Variants in AHCYL2 observed in about 807,000 individuals in gnomAD.
The protein encoded by AHCYL2 is adenosylhomocysteinase like 2, also known as S-adenosylhomocysteine hydrolase-like protein 2.
Under a neutral mutation model 81.4 loss-of-function variants are expected in AHCYL2, and 28 were observed. That is an observed-to-expected ratio of 0.34 (90% CI 0.25 to 0.47). AHCYL2 has a LOEUF of 0.47. Among genes scored for constraint, AHCYL2 ranks in the 20% least tolerant of loss-of-function variants. The pLI, the probability that AHCYL2 is intolerant of heterozygous loss-of-function variation, is 1.00. For missense variants in AHCYL2, 551 were observed against 785.1 expected (o/e 0.70, Z 3.56); for synonymous variants, 272 against 290.2 (o/e 0.94, Z 0.64).
At position 129,428,503 on chromosome 7, in the gene AHCYL2, T is replaced by C. The variant is rs1478082448; in HGVS notation, c.*1458T>C. The C allele has an allele frequency of 1.3e-5, 2 of 152,220 alleles. No individual in the cohort carries two copies. Among genetic ancestry groups the C allele is most frequent in the African/African-American group, 4.8e-5 (2 of 41,444 alleles). 9.4% of individuals were successfully genotyped at this position (152,220 alleles called of 1,614,324 possible). A position where few individuals can be genotyped will look rare whatever the true frequency, so the allele number is the denominator to read the frequency against. ...CTAGGAAACTTGAATTAAATAAGCC[T>C]CTTCCCCTTACCGATCCTTTTTAAC... On this transcript the variant is annotated 3_prime_UTR_variant, in exon 17 of 17. Transcript: ENST00000325006.
At chr7:129,307,879 C>G (rs36016296) in intron 1 of AHCYL2, among the ~76,000 whole-genome samples, 1 of 151,738 alleles carries the variant, frequency 6.6e-6, no homozygotes, top group Admixed American at 6.6e-5. Context: ...TAGAAATGTC[C>G]GGGAGCTAGG....
At chr7:129,339,981 T>A (rs904718462) in intron 1 of AHCYL2, among the ~76,000 whole-genome samples, 1 of 141,044 alleles carries the variant, frequency 7.1e-6, no homozygotes, top group Admixed American at 7.9e-5. Flanking sequence ...TGCAGTGACG[T>A]GATCTCGGCT....
At chr7:129,225,494 G>T in intron 1 of AHCYL2, 55 bp downstream of exon 1, 2 of 1,437,666 alleles carry the variant, frequency 1.4e-6, no homozygotes, top group South Asian at 1.4e-5. Flanking sequence ...GGGAACTGCA[G>T]ATCCTCTCGG....
chr7:129,296,613 C>T (rs369208118), intron 1 of AHCYL2, among the ~76,000 whole-genome samples: 5 of 151,990 alleles, frequency 3.3e-5, no homozygotes, highest in East Asian at 1.9e-4. Flanking sequence ...GGGAGGCTGA[C>T]GTAGGAGGAT....
intron 1 of AHCYL2, among the ~76,000 whole-genome samples, chr7:129,334,632 T>A (rs1403507464): frequency 1.3e-5 from 2 of 152,176 alleles, no homozygotes; most frequent in Non-Finnish European, 2.9e-5. Context: ...GGTAACAAAT[T>A]TGTATTAGTG....
chr7:129,357,567 A>T (rs1416398040), intron 1 of AHCYL2, among the ~76,000 whole-genome samples: 1 of 152,210 alleles, frequency 6.6e-6, no homozygotes, highest in Non-Finnish European at 1.5e-5. Context: ...TGACAACCCA[A>T]TAGAAAAACA....
At chr7:129,337,441 C>A (rs534514820) in intron 1 of AHCYL2, among the ~76,000 whole-genome samples, 2 of 151,950 alleles carry the variant, frequency 1.3e-5, no homozygotes, top group African/African-American at 4.8e-5. Flanking sequence ...CGCTCTTCTC[C>A]CAGGCTGGAG....
intron 2 of AHCYL2, among the ~76,000 whole-genome samples, chr7:129,387,497 C>A (rs1795255162): frequency 6.6e-6 from 1 of 152,218 alleles, no homozygotes; most frequent in African/African-American, 2.4e-5. Flanking sequence ...ATCATCATGA[C>A]TCTGAAAAAG....
intron 1 of AHCYL2, among the ~76,000 whole-genome samples, chr7:129,326,338 C>T (rs964922935): frequency 6.6e-6 from 1 of 151,948 alleles, no homozygotes; most frequent in African/African-American, 2.4e-5. Flanking sequence ...ACCAGCCTGG[C>T]CAACATGGTA....
At chr7:129,393,216 A>C (rs1321985178) in intron 4 of AHCYL2, among the ~76,000 whole-genome samples, 2 of 152,248 alleles carry the variant, frequency 1.3e-5, no homozygotes, top group African/African-American at 4.8e-5. Context: ...CAGGAGTTGA[A>C]GACTAGCCTA....
At chr7:129,342,187 TC>T (rs1793208929) in intron 1 of AHCYL2, among the ~76,000 whole-genome samples, 1 of 152,160 alleles carries the variant, frequency 6.6e-6, no homozygotes, top group African/African-American at 2.4e-5. Flanking sequence ...GTTGAAGTAT[TC>T]CTGTTACTTG....
intron 1 of AHCYL2, among the ~76,000 whole-genome samples, chr7:129,269,289 A>ATT (rs56024439): frequency 2.8e-5 from 4 of 140,716 alleles, no homozygotes; most frequent in South Asian, 4.5e-4. Flanking sequence ...ACCATGCCTA[A>ATT]TTTTTTTTTT....
In AHCYL2 at chr7:129,426,667, G is replaced by T; in HGVS notation, c.1829+104G>T. ...AACCACATATGCTTACATGAACTCAGAAAAATGAACCCACTTCCCCTCACT... is the reference window on the plus strand; with the variant it reads ...AACCACATATGCTTACATGAACTCATAAAAATGAACCCACTTCCCCTCACT... On this transcript the variant is annotated intron_variant, in intron 16 of 16. Transcript: ENST00000325006. The surrounding 1 kb of genome is among the most constrained non-coding windows in gnomAD (Gnocchi z 4.3). 1 of 1,482,776 alleles carries T rather than the reference G, an allele frequency of 6.7e-7. No homozygotes were observed. 91.9% of individuals were successfully genotyped at this position (1,482,776 alleles called of 1,614,324 possible).
rs111665709 is a variant in AHCYL2, at chr7:129,415,049, G to T, written c.1461+1361G>T. Among the ~76,000 whole-genome samples, 97 of 152,324 alleles carry T rather than the reference G, an allele frequency of 6.4e-4. 1 individual carries two copies. The highest frequency in any genetic ancestry group is 1.1e-3 in the Non-Finnish European group (75 of 68,034). The stretch of plus-strand genomic sequence containing the variant: ...CTTTCTACCCTGGGGTGTCTGAGTG[G>T]TATGGCCTTATTACTCTCTCTTACC... On this transcript the variant is annotated intron_variant, in intron 12 of 16. Transcript: ENST00000325006.
rs1379895370 is a variant in AHCYL2 at position 129,419,879 on chromosome 7, A to G, written c.1462-2961A>G. Among the ~76,000 whole-genome samples the G allele has an allele frequency of 6.6e-6, 1 of 152,180 alleles. No individual in the cohort carries two copies. Among genetic ancestry groups the G allele is most frequent in the Non-Finnish European group, 1.5e-5 (1 of 68,038 alleles). ...CTGCACAGGAATCCCTTTTCCCGGT[A>G]GGTTGTTTAGTGATTATAGGTCCAC... is the stretch of plus-strand genomic sequence containing the variant. On this transcript the variant is annotated intron_variant, in intron 12 of 16. Coordinates refer to ENST00000325006, the MANE Select transcript of AHCYL2 (RefSeq NM_015328.4). This position sits in a 1 kb window ranked among gnomAD's most constrained non-coding sequence, Gnocchi z 4.7.
intron 1 of AHCYL2, among the ~76,000 whole-genome samples, chr7:129,357,691 T>C (rs1793779416): frequency 6.6e-6 from 1 of 152,132 alleles, no homozygotes; most frequent in South Asian, 2.1e-4. Flanking sequence ...TCCCAACACT[T>C]TGGGACGCCG....
At chr7:129,301,644 C>T (rs957564333) in intron 1 of AHCYL2, among the ~76,000 whole-genome samples, 1 of 152,134 alleles carries the variant, frequency 6.6e-6, no homozygotes. Context: ...ATAGTTTTGG[C>T]ATGTTTGTCA....
At chr7:129,370,715 T>G (rs1794366124) in intron 1 of AHCYL2, among the ~76,000 whole-genome samples, 1 of 152,000 alleles carries the variant, frequency 6.6e-6, no homozygotes, top group Non-Finnish European at 1.5e-5. Context: ...ACAAACAAAA[T>G]AATAATTTAG....
intron 1 of AHCYL2, among the ~76,000 whole-genome samples, chr7:129,370,986 G>A (rs147774345): frequency 3.1e-4 from 47 of 152,204 alleles, no homozygotes; most frequent in Admixed American, 5.9e-4. Context: ...ACTTCATTAG[G>A]TTGCTACTGA....
Sources: allele counts gnomAD v4.1 joint callset (sites outside exome capture counted in the v4.1 genomes callset), GRCh38; gene constraint gnomAD v4.1.1; non-coding constraint Gnocchi (gnomAD v3.1); transcripts MANE v1.5; gene names NCBI Gene and HGNC (gene_info 2026-07-23, HGNC 2026-07-21).